PRLR: variants seen among roughly 807,000 people sequenced by gnomAD.
The protein encoded by PRLR is hPRL receptor.
A neutral mutation model predicts 40.2 loss-of-function variants in PRLR; 13 were observed. The ratio of observed to expected loss-of-function variants is 0.32; its 90% CI spans 0.21 to 0.51. The LOEUF (loss-of-function observed/expected upper bound fraction) is 0.51, where lower values mean the gene tolerates loss of function less well. PRLR is among the 20% of genes least tolerant of loss of function. The probability of loss-of-function intolerance (pLI) is 0.97; values close to 1 mark genes in which losing one functional copy is unlikely to be tolerated. For missense variants in PRLR, 656 were observed against 747.3 expected, an observed-to-expected ratio of 0.88 and a Z score of 1.42; for synonymous variants, 269 against 278.7, an observed-to-expected ratio of 0.97 and a Z score of 0.35.
intron 1 of PRLR, among the ~76,000 whole-genome samples, chr5:35,205,184 A>C (rs1299936220): frequency 2.6e-5 from 4 of 152,052 alleles, no homozygotes; most frequent in Admixed American, 2.6e-4. Context: ...AAAAATCTTA[A>C]AACCGGAAAG....
At chr5:35,080,620 G>A (rs1403257849) in intron 5 of PRLR, among the ~76,000 whole-genome samples, 2 of 152,200 alleles carry the variant, frequency 1.3e-5, no homozygotes, top group Non-Finnish European at 2.9e-5. Flanking sequence ...CAACCATTGT[G>A]GAAGTCAGTG....
At chr5:35,145,528 A>G (rs1774159065) in intron 1 of PRLR, among the ~76,000 whole-genome samples, 1 of 152,208 alleles carries the variant, frequency 6.6e-6, no homozygotes, top group Non-Finnish European at 1.5e-5. Flanking sequence ...GCCATACATT[A>G]GAGGACTCTT....
chr5:35,110,807 T>C (rs945951418), intron 2 of PRLR, among the ~76,000 whole-genome samples: 3 of 152,160 alleles, frequency 2.0e-5, no homozygotes, highest in Non-Finnish European at 4.4e-5. Context: ...TCAGAAACAA[T>C]AGGAATTGCC....
intron 1 of PRLR, among the ~76,000 whole-genome samples, chr5:35,187,192 G>A (rs1369205664): frequency 6.6e-6 from 1 of 152,122 alleles, no homozygotes; most frequent in Non-Finnish European, 1.5e-5. Context: ...CTTGAGGTCA[G>A]GAGTTTGAGA....
At chr5:35,195,694 C>T (rs1443382649) in intron 1 of PRLR, 1 of 152,224 alleles carries the variant, frequency 6.6e-6, no homozygotes, top group Non-Finnish European at 1.5e-5. Flanking sequence ...TGTGGCTCTA[C>T]GCAGTCATCC....
chr5:35,068,007 C>T (rs1231420420), intron 9 of PRLR, among the ~76,000 whole-genome samples: 1 of 152,216 alleles, frequency 6.6e-6, no homozygotes, highest in Non-Finnish European at 1.5e-5. Context: ...TTGGCTTTCT[C>T]TCCTTGCCCT....
intron 1 of PRLR, among the ~76,000 whole-genome samples, chr5:35,188,684 G>T (rs1442049936): frequency 6.6e-6 from 1 of 152,116 alleles, no homozygotes; most frequent in South Asian, 2.1e-4. Context: ...CTTAAGCCCT[G>T]ACCAACCAAA....
intron 1 of PRLR, among the ~76,000 whole-genome samples, chr5:35,190,199 C>T (rs1238063420): frequency 6.6e-6 from 1 of 152,158 alleles, no homozygotes; most frequent in Non-Finnish European, 1.5e-5. Flanking sequence ...ATAATTATCC[C>T]ATTTTACATG....
chr5:35,136,050 G>A (rs1773849892), intron 1 of PRLR, among the ~76,000 whole-genome samples: 2 of 152,246 alleles, frequency 1.3e-5, no homozygotes, highest in African/African-American at 4.8e-5. Flanking sequence ...AAACGGCAGT[G>A]TGGCAAAGAG....
rs115399525 is a variant in PRLR, at chr5:35,197,065, A to G, written c.-106+33203T>C. ...ACATATGAATTTTGAGGGGAACACA[A>G]TATTCAGTCATTTCAGGGTAGAGAG... On this transcript the variant is annotated intron_variant, in intron 1 of 9. Transcript: ENST00000618457. Among the ~76,000 whole-genome samples, 536 of 152,342 alleles carry G rather than the reference A, an allele frequency of 3.5e-3. 4 individuals carry two copies. The highest frequency in any genetic ancestry group is 0.01 in the Middle Eastern group (3 of 294).
intron 2 of PRLR, among the ~76,000 whole-genome samples, chr5:35,114,647 G>A (rs114373448): frequency 0.028 from 4,286 of 152,274 alleles, 101 homozygotes; most frequent in Middle Eastern, 0.1. Context: ...TCACTAGGGT[G>A]GAGATTTCCC....
At chr5:35,191,102 G>T (rs1452046393) in intron 1 of PRLR, among the ~76,000 whole-genome samples, 1 of 73,096 alleles carries the variant, frequency 1.4e-5, no homozygotes. Context: ...ACGGAGTCTC[G>T]CTCTGTCGCC....
chr5:35,091,244 T>C (rs1210145530), intron 2 of PRLR, among the ~76,000 whole-genome samples: 2 of 152,094 alleles, frequency 1.3e-5, no homozygotes, highest in African/African-American at 4.8e-5. Flanking sequence ...TCCAAGCAAA[T>C]GCCCTCCCAG....
intron 2 of PRLR, among the ~76,000 whole-genome samples, chr5:35,115,205 A>G (rs925064783): frequency 2.6e-5 from 4 of 152,192 alleles, no homozygotes; most frequent in African/African-American, 9.7e-5. Flanking sequence ...TAGCTACTGT[A>G]TCAGACAGTA....
intron 1 of PRLR, among the ~76,000 whole-genome samples, chr5:35,131,668 C>T: frequency 6.6e-6 from 1 of 152,002 alleles, no homozygotes; most frequent in Non-Finnish European, 1.5e-5. Flanking sequence ...CTGGGATGGC[C>T]ACTTCCAATT....
chr5:35,080,420 G>T (rs994062158), intron 5 of PRLR, among the ~76,000 whole-genome samples: 6 of 152,180 alleles, frequency 3.9e-5, no homozygotes, highest in Non-Finnish European at 8.8e-5. Flanking sequence ...CATTTATGCA[G>T]CCAACAGACA....
intron 6 of PRLR, among the ~76,000 whole-genome samples, chr5:35,070,838 T>C (rs1421388464): frequency 1.0e-5 from 1 of 99,906 alleles, no homozygotes; most frequent in Non-Finnish European, 1.8e-5. Context: ...CGAAACTCCG[T>C]CTCAAAAAAA....
At chr5:35,134,791 G>A (rs939012849) in intron 1 of PRLR, among the ~76,000 whole-genome samples, 2 of 152,202 alleles carry the variant, frequency 1.3e-5, no homozygotes, top group Non-Finnish European at 2.9e-5. Context: ...GATGCACATT[G>A]GAATCATCTG....
intron 1 of PRLR, among the ~76,000 whole-genome samples, chr5:35,168,580 A>C (rs1446455285): frequency 4.6e-5 from 7 of 152,160 alleles, no homozygotes; most frequent in African/African-American, 1.7e-4. Flanking sequence ...TTTAAAAATA[A>C]GCAATATACT....
Sources: allele counts gnomAD v4.1 joint callset (sites outside exome capture counted in the v4.1 genomes callset), GRCh38; gene constraint gnomAD v4.1.1; transcripts MANE v1.5; gene names NCBI Gene and HGNC (gene_info 2026-07-23, HGNC 2026-07-21).